The following IL36B variants were observed in gnomAD, a reference collection of about 807,000 sequenced individuals.
The protein encoded by IL36B is interleukin 36 beta.
IL36B carries 23 observed loss-of-function variants against 19.3 expected under a neutral mutation model. The ratio of observed to expected loss-of-function variants is 1.19; its 90% CI spans 0.86 to 1.69. The LOEUF is 1.69. IL36B is among the 40% of genes most tolerant of loss of function. The probability of loss-of-function intolerance (pLI) is 0.00; values close to 1 mark genes in which losing one functional copy is unlikely to be tolerated. For missense variants in IL36B, 217 were observed against 200.5 expected, an observed-to-expected ratio of 1.08 and a Z score of -0.50; for synonymous variants, 59 against 59.7, an observed-to-expected ratio of 0.99 and a Z score of 0.05.
At chr2:113,044,467 A>AT (rs1685315249) in intron 1 of IL36B, among the ~76,000 whole-genome samples, 1 of 151,546 alleles carries the variant, frequency 6.6e-6, no homozygotes, top group South Asian at 2.1e-4. Flanking sequence ...TATTTTTTTT[A>AT]TTTTTTGTAA....
rs999779479 is a variant in IL36B at position 113,029,039 on chromosome 2, C to T, written c.161G>A (p.Ser54Asn). Residue 54 changes from serine (S) to asparagine (N), a missense_variant, in exon 4 of 6, where the codon AGT (serine) becomes AAT (asparagine). Transcript: ENST00000259213. ...AACCATATTACCCTTTTCCTTGTCACTGAATTCTGTGTCTCTACAGGCTAT... is the reference window on the plus strand; with the variant it reads ...AACCATATTACCCTTTTCCTTGTCATTGAATTCTGTGTCTCTACAGGCTAT... 3 of 1,613,864 alleles carry T rather than the reference C, an allele frequency of 1.9e-6. No individual in the cohort carries two copies. Among genetic ancestry groups the T allele is most frequent in the Non-Finnish European group, 8.5e-7 (1 of 1,179,796 alleles).
chr2:113,047,477 G>T (rs537918596), intron 1 of IL36B, among the ~76,000 whole-genome samples: 91 of 152,284 alleles, frequency 6.0e-4, no homozygotes, highest in Non-Finnish European at 1.0e-3. Context: ...GCTTAATTCC[G>T]TAGTGTAATT....
At chr2:113,028,641 T>A (rs1235662669) in intron 4 of IL36B, among the ~76,000 whole-genome samples, 1 of 152,212 alleles carries the variant, frequency 6.6e-6, no homozygotes, top group Non-Finnish European at 1.5e-5. Context: ...CTTAGAGGAT[T>A]TCCAGAATGC....
At chr2:113,033,626 T>C (rs1685118110) in intron 1 of IL36B, among the ~76,000 whole-genome samples, 1 of 152,216 alleles carries the variant, frequency 6.6e-6, no homozygotes, top group Non-Finnish European at 1.5e-5. Flanking sequence ...CCCAAAGTCA[T>C]ACAGCTACTA....
intron 1 of IL36B, among the ~76,000 whole-genome samples, chr2:113,035,851 A>G (rs76352812): frequency 0.055 from 8,389 of 152,248 alleles, 316 homozygotes; most frequent in Non-Finnish European, 0.085. Context: ...TGATCAGAGG[A>G]TTGAGATAAA....
chr2:113,039,635 G>A (rs939260953), intron 1 of IL36B, among the ~76,000 whole-genome samples: 1 of 151,992 alleles, frequency 6.6e-6, no homozygotes, highest in Non-Finnish European at 1.5e-5. Flanking sequence ...AAGGGAAGGA[G>A]AAACAGGAAC....
At chr2:113,030,008 G>A (rs554834664) in intron 3 of IL36B, among the ~76,000 whole-genome samples, 170 of 152,254 alleles carry the variant, frequency 1.1e-3, no homozygotes, top group Admixed American at 2.0e-3. Context: ...TGAGGTGGGC[G>A]GATCACGAGG....
In IL36B at chr2:113,036,119, A is replaced by AT. The variant is rs543468553; in HGVS notation, c.-57-4354dup. On this transcript the variant is annotated intron_variant, in intron 1 of 5. Coordinates refer to ENST00000259213, the MANE Select transcript of IL36B (RefSeq NM_014438.5). Reference sequence around the variant, plus strand: ...ACCACCACACCTGGCTAATTTTTGTATTTTTTTTGTAGAGATGAGTTTTGC... The same window carrying AT: ...ACCACCACACCTGGCTAATTTTTGTATTTTTTTTTGTAGAGATGAGTTTTGC... 3.7e-3 allele frequency among the ~76,000 whole-genome samples: 565 copies of AT among 151,590 alleles called. 4 individuals are homozygous for AT. Among genetic ancestry groups the AT allele is most frequent in the African/African-American group, 0.013 (532 of 41,312 alleles).
In IL36B at chr2:113,040,984, T is replaced by A. The variant is rs34702403; in HGVS notation, c.-57-9218A>T. ...CAGCTTGGGCAACTTAGCAACACCC[T>A]GTCTCTAAAAAAACACAAAGATTAG... On this transcript the variant is annotated intron_variant, in intron 1 of 5. Transcript: ENST00000259213. 4.0e-3 allele frequency among the ~76,000 whole-genome samples: 614 copies of A among 152,162 alleles called. 4 individuals carry two copies. The highest frequency in any genetic ancestry group is 0.013 in the African/African-American group (555 of 41,540).
intron 1 of IL36B, among the ~76,000 whole-genome samples, chr2:113,048,284 A>G (rs1685381455): frequency 6.6e-6 from 1 of 152,166 alleles, no homozygotes; most frequent in Admixed American, 6.6e-5. Context: ...ATTGTAAAAA[A>G]TACAACAGTT....
chr2:113,030,981 C>G, intron 3 of IL36B, 67 bp downstream of exon 3: 1 of 1,184,370 alleles, frequency 8.4e-7, no homozygotes, highest in Non-Finnish European at 1.3e-6. Flanking sequence ...CTTATGCAAG[C>G]TCAGCCTCAT....
At chr2:113,032,428 C>T (rs1032971471) in intron 1 of IL36B, among the ~76,000 whole-genome samples, 3 of 152,142 alleles carry the variant, frequency 2.0e-5, no homozygotes, top group African/African-American at 7.2e-5. Flanking sequence ...AGACACTCCA[C>T]AATGAGAACC....
At position 113,027,414 on chromosome 2, in the gene IL36B, G is replaced by A. The variant is rs193259990; in HGVS notation, c.262-1182C>T. 1,443 of 951,662 alleles carry A rather than the reference G, an allele frequency of 1.5e-3. 7 individuals carry two copies. The highest frequency in any genetic ancestry group is 8.8e-3 in the Admixed American group (166 of 18,870). The allele number at this position is 951,662 out of a possible 1,614,324, so 59.0% of individuals were successfully genotyped here. A position where few individuals can be genotyped will look rare whatever the true frequency, so the allele number is the denominator to read the frequency against. Reference sequence around the variant, plus strand: ...ATACACTGTGTGTCAAATTATTAACGAATGACATTAAGAATTCATTAGGAT... The same window carrying A: ...ATACACTGTGTGTCAAATTATTAACAAATGACATTAAGAATTCATTAGGAT... On this transcript the variant is annotated intron_variant, in intron 4 of 5. Transcript: ENST00000259213.
chr2:113,045,667 A>G (rs929269277), intron 1 of IL36B, among the ~76,000 whole-genome samples: 7 of 151,806 alleles, frequency 4.6e-5, no homozygotes, highest in Non-Finnish European at 1.0e-4. Context: ...TTTTATTTTT[A>G]TTTTTCACTT....
At chr2:113,031,995 T>G (rs1573368649) in intron 1 of IL36B, among the ~76,000 whole-genome samples, 1 of 152,260 alleles carries the variant, frequency 6.6e-6, no homozygotes, top group East Asian at 1.9e-4. Flanking sequence ...TTCTCTAGGC[T>G]GTGATGGTCT....
intron 1 of IL36B, among the ~76,000 whole-genome samples, chr2:113,036,468 A>G (rs922215416): frequency 2.0e-5 from 3 of 151,616 alleles, no homozygotes; most frequent in Admixed American, 2.0e-4. Flanking sequence ...CTTTTTGCTC[A>G]GAGAGAAAAA....
At chr2:113,032,535 TA>T (rs1350233070) in intron 1 of IL36B, among the ~76,000 whole-genome samples, 2 of 152,146 alleles carry the variant, frequency 1.3e-5, no homozygotes. Flanking sequence ...TGCACCCTTG[TA>T]AGCAGCCCTG....
At chr2:113,030,042 C>T (rs1367372320) in intron 3 of IL36B, among the ~76,000 whole-genome samples, 3 of 152,098 alleles carry the variant, frequency 2.0e-5, no homozygotes, top group African/African-American at 4.8e-5. Flanking sequence ...ACCAGCCTGA[C>T]CAATGTGGTG....
At chr2:113,031,589 G>A (rs1685077183) in intron 2 of IL36B, 108 bp downstream of exon 2, 3 of 982,228 alleles carry the variant, frequency 3.1e-6, no homozygotes. Flanking sequence ...GTTTTAGCAA[G>A]AGCAAATACA....
Sources: allele counts gnomAD v4.1 joint callset (sites outside exome capture counted in the v4.1 genomes callset), GRCh38; gene constraint gnomAD v4.1.1; transcripts MANE v1.5; gene names NCBI Gene and HGNC (gene_info 2026-07-23, HGNC 2026-07-21).